The following FER1L5 variants were observed in gnomAD, a reference collection of about 807,000 sequenced individuals.
The protein encoded by FER1L5 is fer-1 like family member 5, also known as fer-1-like protein 5.
In FER1L5, 187 loss-of-function variants were observed where a neutral mutation model predicts 279.9. The observed-to-expected ratio is 0.67, with a 90% CI of 0.59 to 0.75. The LOEUF (loss-of-function observed/expected upper bound fraction) is 0.75. FER1L5 is among the 30% of genes least tolerant of loss of function. The pLI is 0.00. For synonymous variants in FER1L5, 921 were observed against 989.7 expected (o/e 0.93, Z 1.30); for missense variants, 2,091 against 2,594.4 (o/e 0.81, Z 4.21).
intron 1 of FER1L5, among the ~76,000 whole-genome samples, chr2:96,644,462 A>G (rs1558829527): frequency 6.6e-6 from 1 of 152,140 alleles, no homozygotes; most frequent in Admixed American, 6.6e-5. Context: ...GGCCTGGGCG[A>G]AAAAGCAAGA....
intron 19 of FER1L5, among the ~76,000 whole-genome samples, chr2:96,675,522 G>C (rs2076479573): frequency 6.6e-6 from 1 of 152,116 alleles, no homozygotes; most frequent in Non-Finnish European, 1.5e-5. Flanking sequence ...TACCTCCCAG[G>C]TTCAACCAAT....
intron 19 of FER1L5, among the ~76,000 whole-genome samples, chr2:96,674,045 G>A (rs945786643): frequency 1.3e-5 from 2 of 151,998 alleles, no homozygotes; most frequent in African/African-American, 4.8e-5. Flanking sequence ...CATACAATTT[G>A]CCCATTTCAG....
At position 96,704,243 on chromosome 2, in the gene FER1L5, C is replaced by A. The variant is rs377065295; in HGVS notation, c.5830C>A (p.Arg1944=). 21 of 1,614,008 alleles carry A rather than the reference C, an allele frequency of 1.3e-5. No homozygotes were observed. The South Asian group carries it at 2.3e-4, about 18-fold the overall frequency. The change falls in exon 52 of 53, where the codon CGG becomes AGG. Residue 1944 remains arginine (R), a synonymous_variant. Transcript: ENST00000624922. ...LRTNTSFTWL[R]SPVQNFCYIF... ...CACCAACACCTCTTTCACGTGGCTG[C>A]GGTCACCAGTTCAAAACTTCTGCTA...
chr2:96,672,870 C>T (rs2076379519), intron 18 of FER1L5, among the ~76,000 whole-genome samples: 1 of 152,112 alleles, frequency 6.6e-6, no homozygotes, highest in Non-Finnish European at 1.5e-5. Flanking sequence ...GGAGCCAGGG[C>T]TGGCTGGGTG....
At chr2:96,663,846 C>T (rs1260519103) in intron 14 of FER1L5, among the ~76,000 whole-genome samples, 1 of 152,060 alleles carries the variant, frequency 6.6e-6, no homozygotes, top group African/African-American at 2.4e-5. Flanking sequence ...AGTTTGAGAC[C>T]AGCCTGGACA....
chr2:96,651,247 C>A (rs2075354912), intron 6 of FER1L5, among the ~76,000 whole-genome samples: 1 of 99,300 alleles, frequency 1.0e-5, no homozygotes, highest in South Asian at 2.9e-4. Flanking sequence ...CTCTTTCTTT[C>A]TTTCTTTCTT....
At chr2:96,658,563 A>G (rs2075693660) in intron 9 of FER1L5, among the ~76,000 whole-genome samples, 1 of 151,340 alleles carries the variant, frequency 6.6e-6, no homozygotes, top group African/African-American at 2.4e-5. Context: ...TGTATGTTAA[A>G]CTTTTTAAGG....
At chr2:96,655,845 G>T (rs1028088136) in intron 9 of FER1L5, among the ~76,000 whole-genome samples, 1 of 152,008 alleles carries the variant, frequency 6.6e-6, no homozygotes, top group Non-Finnish European at 1.5e-5. Flanking sequence ...GAGTAGCTTG[G>T]ACTACAGGTG....
intron 2 of FER1L5, 110 bp downstream of exon 2, chr2:96,646,563 A>C: frequency 4.0e-5 from 45 of 1,127,810 alleles, no homozygotes; most frequent in Non-Finnish European, 5.3e-5. Context: ...GTGCAACCTC[A>C]CAGGCTTTCC....
intron 21 of FER1L5, 50 bp downstream of exon 21, chr2:96,685,479 T>C: frequency 6.7e-7 from 1 of 1,497,718 alleles, no homozygotes; most frequent in Non-Finnish European, 9.0e-7. Flanking sequence ...CTGAGCCAGA[T>C]CTGGGCCTGG....
chr2:96,683,268 C>T lies in FER1L5; in HGVS notation c.1670-1059C>T, dbSNP rs111230893. Among the ~76,000 whole-genome samples, 860 of 152,158 alleles carry T rather than the reference C, an allele frequency of 5.7e-3. 6 individuals are homozygous for T. Among genetic ancestry groups the T allele is most frequent in the African/African-American group, 0.019 (807 of 41,496 alleles). Reference sequence around the variant, plus strand: ...TCAAAGTCAGGGTGTCAGTGTTGACCCCTGCCGAGGGCTCTGAGGGAGAAT... The same window carrying T: ...TCAAAGTCAGGGTGTCAGTGTTGACTCCTGCCGAGGGCTCTGAGGGAGAAT... On this transcript the variant is annotated intron_variant, in intron 19 of 52. Transcript: ENST00000624922.
chr2:96,703,684 A>C lies in FER1L5; in HGVS notation c.5801+52A>C, dbSNP rs895029970. The C allele has an allele frequency of 2.6e-6, 4 of 1,554,710 alleles. No individual in the cohort carries two copies. The African/African-American group carries it at 5.4e-5, about 21-fold the overall frequency. On this transcript the variant is annotated intron_variant, in intron 51 of 52. Transcript: ENST00000624922. ...AGATCTTTCTTGCTCCTCAGTGTGTATGGGGTGGTGACCAGTGGGCCTATC... is the reference window on the plus strand; with the variant it reads ...AGATCTTTCTTGCTCCTCAGTGTGTCTGGGGTGGTGACCAGTGGGCCTATC...
intron 14 of FER1L5, among the ~76,000 whole-genome samples, chr2:96,664,360 T>A (rs1467202020): frequency 6.6e-6 from 1 of 152,082 alleles, no homozygotes; most frequent in Non-Finnish European, 1.5e-5. Flanking sequence ...CCCCCTCCCA[T>A]CCCCAGGCAA....
chr2:96,701,731 C>G (rs1269313980), intron 45 of FER1L5, among the ~76,000 whole-genome samples: 1 of 152,150 alleles, frequency 6.6e-6, no homozygotes, highest in East Asian at 1.9e-4. Context: ...CCATCAGCCC[C>G]AAAGCTACCG....
At chr2:96,670,036 T>C (rs970008238) in intron 17 of FER1L5, 83 bp from the exon 18 acceptor site, 47 of 1,527,076 alleles carry the variant, frequency 3.1e-5, no homozygotes, top group Non-Finnish European at 3.9e-5. Context: ...GACAACCTTG[T>C]CTTTGCCTCA....
At position 96,661,942 on chromosome 2, in the gene FER1L5, G is replaced by C. The variant is rs2075969675; in HGVS notation, c.1018+151G>C. The C allele has an allele frequency of 2.5e-6, 3 of 1,194,766 alleles. 1 individual carries two copies. In the South Asian group the frequency reaches 4.6e-5, roughly 18 times the overall value. The allele number at this position is 1,194,766 out of a possible 1,614,324, so 74.0% of individuals were successfully genotyped here. On this transcript the variant is annotated intron_variant, in intron 12 of 52. Coordinates refer to ENST00000624922, the MANE Select transcript of FER1L5 (RefSeq NM_001293083.2). ...TGAGACTGGAATTGCTCCCAGACTT[G>C]TCCTGTGGAGGTGCCATGGACACCC...
Position 96,702,818 on chromosome 2 carries a change from T to C in FER1L5, c.5397+77T>C. The C allele has an allele frequency of 6.4e-7, 1 of 1,573,154 alleles. No homozygotes were observed. The highest frequency in any genetic ancestry group is 1.2e-5 in the South Asian group (1 of 86,462). On this transcript the variant is annotated intron_variant, in intron 48 of 52. Coordinates refer to ENST00000624922, the MANE Select transcript of FER1L5 (RefSeq NM_001293083.2). This position sits in a 1 kb window ranked among gnomAD's most constrained non-coding sequence, Gnocchi z 4.0. ...CTCCTGGAGCTCCTCCCCCCACCCCTCCAGAGGCTTGCAATCTGTCCCAGA... is the reference window on the plus strand; with the variant it reads ...CTCCTGGAGCTCCTCCCCCCACCCCCCCAGAGGCTTGCAATCTGTCCCAGA...
chr2:96,703,607 C>T lies in FER1L5; in HGVS notation c.5776C>T (p.Gln1926Ter). 6.2e-7 allele frequency: 1 copy of T among 1,613,910 alleles called. No homozygotes were observed. The highest frequency in any genetic ancestry group is 8.5e-7 in the Non-Finnish European group (1 of 1,179,876). The change falls in exon 51 of 53, where the codon CAG (glutamine) becomes TAG (stop). Residue 1926 changes from glutamine (Q) to a stop codon, truncating the protein, a stop_gained. Transcript: ENST00000624922. LOFTEE classifies it high-confidence loss of function. ...CGGGCGAGGCCAGTCGGAACCCAACCAGTACCCCACACTTCATCCTCCCCT... is the reference window on the plus strand; with the variant it reads ...CGGGCGAGGCCAGTCGGAACCCAACTAGTACCCCACACTTCATCCTCCCCT... ...PAGRGQSEPN[Q>*]YPTLHPPLRT...
Position 96,662,233 on chromosome 2 carries a change from A to C in FER1L5, c.1037A>C (p.Asn346Thr). 1 of 1,551,624 alleles carries C rather than the reference A, an allele frequency of 6.4e-7. No individual in the cohort carries two copies. Among genetic ancestry groups the C allele is most frequent in the Non-Finnish European group, 8.7e-7 (1 of 1,146,960 alleles). Residue 346 changes from asparagine (N) to threonine (T), a missense_variant, in exon 13 of 53, where the codon AAT becomes ACT. By Grantham distance (65) the Asn-to-Thr change is moderately conservative (BLOSUM62 0). Transcript: ENST00000624922. ...TTCATAGAGAAACACCAGTCAGTGA[A>C]TCCTCAGTTGGAGGTGGAACTAATT... The part of the protein sequence containing the change: ...DLHLKKHQSV[N>T]PQLEVELIGE...
Sources: gnomAD v4.1 joint callset for allele counts (sites outside exome capture counted in the v4.1 genomes callset) on GRCh38, gnomAD v4.1.1 for gene constraint, Gnocchi (gnomAD v3.1) non-coding constraint, MANE v1.5 for transcripts, NCBI Gene and HGNC (gene_info 2026-07-23, HGNC 2026-07-21) for gene names.